Variants in POC1B observed in about 807,000 individuals in gnomAD.
POC1B encodes the protein POC1 centriolar protein B, also known as POC1 centriolar protein homolog B.
POC1B carries 44 observed loss-of-function variants against 60.6 expected under a neutral mutation model. That is an observed-to-expected ratio of 0.73 (90% CI 0.57 to 0.93). POC1B has a LOEUF of 0.93. Ranked by LOEUF, POC1B falls within the 40% of genes least tolerant of loss-of-function variation. The pLI is 0.00. For synonymous variants in POC1B, 180 were observed against 198.9 expected (o/e 0.90, Z 0.80); for missense variants, 555 against 572.3 (o/e 0.97, Z 0.31).
downstream of POC1B, among the ~76,000 whole-genome samples, chr12:89,418,686 T>G (rs1880412449): frequency 6.6e-6 from 1 of 152,066 alleles, no homozygotes; most frequent in Non-Finnish European, 1.5e-5. Flanking sequence ...AACTGACTGT[T>G]AAAAAGAACT....
chr12:89,495,609 T>C (rs1023116245), intron 3 of POC1B, among the ~76,000 whole-genome samples: 8 of 152,128 alleles, frequency 5.3e-5, no homozygotes, highest in African/African-American at 1.9e-4. Flanking sequence ...ATTCTTATCT[T>C]CTAAAGCAGT....
At chr12:89,432,158 C>A (rs539748949) in intron 10 of POC1B, among the ~76,000 whole-genome samples, 1 of 151,772 alleles carries the variant, frequency 6.6e-6, no homozygotes, top group Admixed American at 6.6e-5. Flanking sequence ...TCGAGGTGGG[C>A]GGATTGCCTG....
chr12:89,414,912 T>C (rs559099506), downstream of POC1B, among the ~76,000 whole-genome samples: 1 of 152,376 alleles, frequency 6.6e-6, no homozygotes, highest in African/African-American at 2.4e-5. Flanking sequence ...TACTATCTTG[T>C]CTTTAGAGAA....
intron 10 of POC1B, among the ~76,000 whole-genome samples, chr12:89,444,524 A>G (rs1488643704): frequency 6.6e-6 from 1 of 152,256 alleles, no homozygotes; most frequent in Non-Finnish European, 1.5e-5. Flanking sequence ...ATCTCAATAG[A>G]TGCAGAAAAG....
intron 4 of POC1B, chr12:89,485,303 C>T (rs1868571653): frequency 6.6e-6 from 1 of 152,102 alleles, no homozygotes; most frequent in Non-Finnish European, 1.5e-5. Flanking sequence ...TCAATCAGGC[C>T]CTCCAGACAT....
intron 7 of POC1B, 137 bp from the exon 8 acceptor site, chr12:89,467,822 CT>C (rs1429697703): frequency 4.0e-6 from 2 of 497,386 alleles, no homozygotes; most frequent in Admixed American, 7.1e-5. Context: ...ACATCAGTTG[CT>C]AGCAACTAAT....
At chr12:89,431,865 T>C (rs762873983) in intron 10 of POC1B, among the ~76,000 whole-genome samples, 24 of 152,194 alleles carry the variant, frequency 1.6e-4, no homozygotes, top group Non-Finnish European at 2.6e-4. Context: ...AAAAACAAGG[T>C]GTCAGTAAGC....
intron 2 of POC1B, among the ~76,000 whole-genome samples, chr12:89,504,070 G>A (rs1317148338): frequency 1.3e-5 from 2 of 152,220 alleles, no homozygotes; most frequent in Admixed American, 6.5e-5. Context: ...GAAGTGAGGA[G>A]CCCCTCTGCC....
intron 10 of POC1B, among the ~76,000 whole-genome samples, chr12:89,439,252 G>A (rs968733859): frequency 2.0e-5 from 3 of 152,102 alleles, no homozygotes; most frequent in Admixed American, 6.6e-5. Flanking sequence ...CTCTAAGCTT[G>A]GCTCACATAA....
chr12:89,513,453 G>C (rs1186030038), intron 2 of POC1B, among the ~76,000 whole-genome samples: 1 of 152,152 alleles, frequency 6.6e-6, no homozygotes, highest in Non-Finnish European at 1.5e-5. Context: ...AGGAAATAGA[G>C]GGGGAAGTAA....
In POC1B at chr12:89,490,339, G is replaced by C. The variant is rs1032408331; in HGVS notation, c.452+1597C>G. 5.3e-5 allele frequency among the ~76,000 whole-genome samples: 8 copies of C among 151,932 alleles called. No individual in the cohort carries two copies. In the East Asian group the frequency reaches 1.2e-3, roughly 22 times the overall value. ...CCAGGCAGTTTTTGTTGTTGTTGTTGTTTGTTTGTTTGTTTTTTTGAGATG... is the reference window on the plus strand; with the variant it reads ...CCAGGCAGTTTTTGTTGTTGTTGTTCTTTGTTTGTTTGTTTTTTTGAGATG... On this transcript the variant is annotated intron_variant, in intron 4 of 11. Transcript: ENST00000313546.
chr12:89,449,782 T>C (rs1482545446), intron 10 of POC1B, among the ~76,000 whole-genome samples: 1 of 152,102 alleles, frequency 6.6e-6, no homozygotes, highest in Non-Finnish European at 1.5e-5. Context: ...TAAAAAGGTA[T>C]GATAATGGAT....
intron 4 of POC1B, among the ~76,000 whole-genome samples, chr12:89,479,452 A>T (rs1287929864): frequency 6.6e-6 from 1 of 152,240 alleles, no homozygotes. Flanking sequence ...GAATCACTGC[A>T]ACAAAGATGC....
chr12:89,517,091 C>T (rs1164696693), intron 2 of POC1B, among the ~76,000 whole-genome samples: 5 of 152,190 alleles, frequency 3.3e-5, no homozygotes, highest in Non-Finnish European at 7.3e-5. Context: ...CAAGGCCCTG[C>T]CTAAGCTATC....
At chr12:89,421,852 G>A (rs1038570197) in intron 11 of POC1B, among the ~76,000 whole-genome samples, 5 of 152,304 alleles carry the variant, frequency 3.3e-5, no homozygotes, top group African/African-American at 1.2e-4. Flanking sequence ...TTACGCTAGT[G>A]TTGGACACAC....
At chr12:89,456,367 T>C (rs1165283064) in intron 10 of POC1B, among the ~76,000 whole-genome samples, 1 of 152,180 alleles carries the variant, frequency 6.6e-6, no homozygotes, top group Non-Finnish European at 1.5e-5. Flanking sequence ...ATTCGTATCT[T>C]GTTTGTCTTT....
intron 10 of POC1B, chr12:89,425,734 T>A (rs1880735976): frequency 6.4e-6 from 1 of 157,274 alleles, no homozygotes; most frequent in African/African-American, 2.4e-5. Context: ...ATCAAAAAAA[T>A]GAAAAATAAC....
chr12:89,438,240 G>A (rs1033067447), intron 10 of POC1B, among the ~76,000 whole-genome samples: 17 of 151,932 alleles, frequency 1.1e-4, no homozygotes, highest in Non-Finnish European at 2.5e-4. Flanking sequence ...GGCGGATCAC[G>A]AGGTCAGAAG....
chr12:89,431,062 G>A (rs1324687694), intron 10 of POC1B, among the ~76,000 whole-genome samples: 1 of 151,898 alleles, frequency 6.6e-6, no homozygotes, highest in Middle Eastern at 3.2e-3. Flanking sequence ...AGGCATACTT[G>A]ATAGCTTCTG....
Sources: allele counts gnomAD v4.1 joint callset (sites outside exome capture counted in the v4.1 genomes callset), GRCh38; gene constraint gnomAD v4.1.1; transcripts MANE v1.5; gene names NCBI Gene and HGNC (gene_info 2026-07-23, HGNC 2026-07-21).